Variants in PRKCE observed in about 807,000 individuals in gnomAD.
PRKCE encodes the protein protein kinase C epsilon.
A neutral mutation model predicts 85.4 loss-of-function variants in PRKCE; 16 were observed. That is an observed-to-expected ratio of 0.19 (90% confidence interval 0.13 to 0.28). The LOEUF is 0.28. PRKCE is among the 10% of genes least tolerant of loss of function. The pLI is 1.00. For missense variants in PRKCE, 573 were observed against 975.2 expected, an observed-to-expected ratio of 0.59 and a Z score of 5.49; for synonymous variants, 388 against 371.5, an observed-to-expected ratio of 1.04 and a Z score of -0.51.
intron 1 of PRKCE, among the ~76,000 whole-genome samples, chr2:45,826,101 A>G (rs1011133604): frequency 6.6e-6 from 1 of 152,080 alleles, no homozygotes; most frequent in Non-Finnish European, 1.5e-5. Flanking sequence ...AGGGCAGTAG[A>G]AGTCAGGCCT....
intron 2 of PRKCE, among the ~76,000 whole-genome samples, chr2:45,926,130 C>G (rs958353955): frequency 4.6e-5 from 7 of 152,140 alleles, no homozygotes; most frequent in African/African-American, 1.7e-4. Flanking sequence ...ATAAATAACT[C>G]AAATGTTGAG....
intron 14 of PRKCE, among the ~76,000 whole-genome samples, chr2:46,168,481 G>A (rs1169614231): frequency 6.6e-6 from 1 of 152,194 alleles, no homozygotes; most frequent in Admixed American, 6.5e-5. Flanking sequence ...AAGGAGAAAG[G>A]GAAAGGCAAG....
rs770483705 is a variant in PRKCE at position 46,184,233 on chromosome 2, G to C, written c.2068-502G>C. Among the ~76,000 whole-genome samples the C allele has an allele frequency of 5.3e-5, 8 of 152,182 alleles. No individual in the cohort carries two copies. The highest frequency in any genetic ancestry group is 1.2e-4 in the Non-Finnish European group (8 of 68,034). On this transcript the variant is annotated intron_variant, in intron 14 of 14. Transcript: ENST00000306156. This position sits in a 1 kb window ranked among gnomAD's most constrained non-coding sequence, Gnocchi z 5.0. ...GAGCACAAAATTGGGTTCGTGGTGA[G>C]AGTAAGTGGAAATCGAGGCAGGCTT...
At chr2:46,096,687 A>G (rs996727358) in intron 11 of PRKCE, among the ~76,000 whole-genome samples, 1 of 152,202 alleles carries the variant, frequency 6.6e-6, no homozygotes, top group African/African-American at 2.4e-5. Context: ...TCACAACTGC[A>G]AGAAAATAAA....
intron 10 of PRKCE, among the ~76,000 whole-genome samples, chr2:46,023,089 C>CAAAAAAAAAAAAAAAA (rs397984467): frequency 5.6e-5 from 4 of 71,512 alleles, no homozygotes; most frequent in Admixed American, 1.6e-4. Flanking sequence ...GACTCCGTCT[C>CAAAAAAAAAAAAAAAA]AAAAAAAAAA....
intron 10 of PRKCE, among the ~76,000 whole-genome samples, chr2:46,058,840 C>T (rs925781416): frequency 1.3e-5 from 2 of 152,128 alleles, no homozygotes; most frequent in African/African-American, 4.8e-5. Flanking sequence ...GGACCACAGG[C>T]GGGTGCCACC....
chr2:46,156,838 T>A (rs1471763736), intron 13 of PRKCE, among the ~76,000 whole-genome samples: 1 of 152,218 alleles, frequency 6.6e-6, no homozygotes, highest in Non-Finnish European at 1.5e-5. Context: ...GTGAAAGGTC[T>A]CTGTCTCATC....
At chr2:45,700,816 G>A (rs996819290) in intron 1 of PRKCE, among the ~76,000 whole-genome samples, 1 of 152,210 alleles carries the variant, frequency 6.6e-6, no homozygotes, top group Non-Finnish European at 1.5e-5. Flanking sequence ...GTCCTTATAA[G>A]AAGGGGAAAT....
Position 45,776,825 on chromosome 2 carries a change from C to T in PRKCE, c.349-66175C>T, listed in dbSNP as rs1044772499. Among the ~76,000 whole-genome samples the T allele has an allele frequency of 3.9e-5, 6 of 152,296 alleles. No homozygotes were observed. In the East Asian group the frequency reaches 1.2e-3, roughly 29 times the overall value. The stretch of plus-strand genomic sequence containing the variant: ...TGTCATGTATGCCTCTGGTTCTTTT[C>T]TGACTAGAACTCTCCAAGCAAACTC... On this transcript the variant is annotated intron_variant, in intron 1 of 14. Coordinates refer to ENST00000306156, the MANE Select transcript of PRKCE (RefSeq NM_005400.3).
At chr2:46,022,479 TG>T (rs1706750295) in intron 10 of PRKCE, among the ~76,000 whole-genome samples, 1 of 152,196 alleles carries the variant, frequency 6.6e-6, no homozygotes, top group Non-Finnish European at 1.5e-5. Context: ...GAAAGTCACA[TG>T]GGGCCTTTCG....
chr2:45,775,140 C>T (rs1685651308), intron 1 of PRKCE, among the ~76,000 whole-genome samples: 4 of 152,108 alleles, frequency 2.6e-5, no homozygotes, highest in South Asian at 2.1e-4. Flanking sequence ...GTAATTGCCC[C>T]TCAAGCCCCA....
chr2:46,024,764 C>T (rs1257102001), intron 10 of PRKCE, among the ~76,000 whole-genome samples: 1 of 152,158 alleles, frequency 6.6e-6, no homozygotes, highest in Non-Finnish European at 1.5e-5. Context: ...AACCTATCCC[C>T]ATGTGTTTTT....
intron 6 of PRKCE, among the ~76,000 whole-genome samples, chr2:45,999,775 A>G (rs1367515360): frequency 2.0e-5 from 3 of 151,894 alleles, no homozygotes; most frequent in Non-Finnish European, 2.9e-5. Flanking sequence ...TTATCACCCA[A>G]TCCTTGGATA....
In PRKCE at chr2:45,741,675, G is replaced by A. The variant is rs183707417; in HGVS notation, c.348+89227G>A. On this transcript the variant is annotated intron_variant, in intron 1 of 14. Transcript: ENST00000306156. Reference sequence around the variant, plus strand: ...TTTGGGCCTGTGCCCAGGCTGTAAGGTACTGCTGACAGGCTGCGGGCTGTG... The same window carrying A: ...TTTGGGCCTGTGCCCAGGCTGTAAGATACTGCTGACAGGCTGCGGGCTGTG... 2.0e-3 allele frequency among the ~76,000 whole-genome samples: 299 copies of A among 152,348 alleles called. 5 individuals carry two copies. The highest frequency in any genetic ancestry group is 0.018 in the Admixed American group (276 of 15,308).
chr2:45,726,537 A>T (rs1382481695), intron 1 of PRKCE, among the ~76,000 whole-genome samples: 2 of 152,224 alleles, frequency 1.3e-5, no homozygotes, highest in African/African-American at 4.8e-5. Context: ...CAATTAAAGT[A>T]TGTACATTTT....
intron 11 of PRKCE, among the ~76,000 whole-genome samples, chr2:46,136,074 A>G (rs1437494834): frequency 6.6e-6 from 1 of 152,104 alleles, no homozygotes; most frequent in Non-Finnish European, 1.5e-5. Context: ...GGATTTCTTC[A>G]TAATCTCCCT....
chr2:46,038,651 T>TCACACACACA (rs3222422), intron 10 of PRKCE, among the ~76,000 whole-genome samples: 64 of 128,730 alleles, frequency 5.0e-4, no homozygotes, highest in Admixed American at 2.1e-3. Context: ...AGTAACAACT[T>TCACACACACA]CACACACACA....
At chr2:46,012,919 T>C (rs1348045411) in intron 10 of PRKCE, among the ~76,000 whole-genome samples, 1 of 152,206 alleles carries the variant, frequency 6.6e-6, no homozygotes, top group East Asian at 1.9e-4. Flanking sequence ...CATGGATGGC[T>C]GTAGGGTGAG....
rs1694627421 is a variant in PRKCE, at chr2:45,878,329, A to G, written c.412+35266A>G. Among the ~76,000 whole-genome samples, 3 of 152,240 alleles carry G rather than the reference A, an allele frequency of 2.0e-5. No individual in the cohort carries two copies. In the South Asian group the frequency reaches 6.2e-4, roughly 32 times the overall value. On this transcript the variant is annotated intron_variant, in intron 2 of 14. Coordinates refer to ENST00000306156, the MANE Select transcript of PRKCE (RefSeq NM_005400.3). Reference sequence around the variant, plus strand: ...TCTGCTTAGGTGCCTGGTAGTCCACAGCCACCTTATAACAAGTTTAGGGCT... The same window carrying G: ...TCTGCTTAGGTGCCTGGTAGTCCACGGCCACCTTATAACAAGTTTAGGGCT...
Sources: gnomAD v4.1 joint callset for allele counts (sites outside exome capture counted in the v4.1 genomes callset) on GRCh38, gnomAD v4.1.1 for gene constraint, Gnocchi (gnomAD v3.1) non-coding constraint, MANE v1.5 for transcripts, NCBI Gene and HGNC (gene_info 2026-07-23, HGNC 2026-07-21) for gene names.